TENM1: variants seen among roughly 807,000 people sequenced by gnomAD.
TENM1 encodes the protein teneurin transmembrane protein 1, also known as teneurin-1.
TENM1 carries 35 observed loss-of-function variants against 174.8 expected under a neutral mutation model. That is an observed-to-expected ratio of 0.20 (90% confidence interval 0.15 to 0.27). The LOEUF (loss-of-function observed/expected upper bound fraction) is 0.27. TENM1 is among the 10% of genes least tolerant of loss of function. The pLI is 1.00. For synonymous variants in TENM1, 781 were observed against 798.7 expected, an observed-to-expected ratio of 0.98 and a Z score of 0.37; for missense variants, 1,633 against 2,130.1, an observed-to-expected ratio of 0.77 and a Z score of 4.59.
At chrX:125,188,006 T>G in the TENM1 span, among the ~76,000 whole-genome samples, 1 of 111,947 alleles carries the variant, frequency 8.9e-6, no homozygotes, top group African/African-American at 3.2e-5. Context: ...AGTTATAATA[T>G]GTTTTTAATT....
At chrX:125,199,918 G>A in the TENM1 span, among the ~76,000 whole-genome samples, 1 of 111,282 alleles carries the variant, frequency 9.0e-6, no homozygotes, top group Non-Finnish European at 1.9e-5. Flanking sequence ...CCAAATGTAA[G>A]CAATTTTGCT....
intron 18 of TENM1, among the ~76,000 whole-genome samples, chrX:124,514,755 C>A (rs967464216): frequency 9.0e-6 from 1 of 110,772 alleles, no homozygotes; most frequent in Non-Finnish European, 1.9e-5. Flanking sequence ...GGATTCACAG[C>A]GAAATTCTAG....
chrX:124,579,024 C>A (rs920838794), intron 11 of TENM1, among the ~76,000 whole-genome samples: 1 of 112,026 alleles, frequency 8.9e-6, no homozygotes, highest in Non-Finnish European at 1.9e-5. Flanking sequence ...CTCTTTTCTA[C>A]TGGTCAGCCT....
At chrX:124,404,737 A>G (rs2060442772) in intron 27 of TENM1, among the ~76,000 whole-genome samples, 1 of 110,784 alleles carries the variant, frequency 9.0e-6, no homozygotes, top group Admixed American at 9.6e-5. Flanking sequence ...GACTAAACAC[A>G]TTTCTCCAGC....
intron 5 of TENM1, among the ~76,000 whole-genome samples, chrX:124,686,224 C>T (rs940025730): frequency 4.5e-5 from 5 of 110,827 alleles, no homozygotes; most frequent in South Asian, 7.6e-4. Context: ...AAAAGAAAAC[C>T]CTACCAACTG....
At chrX:124,651,800 G>A in intron 8 of TENM1, 114 bp downstream of exon 11, 1 of 1,024,322 alleles carries the variant, frequency 9.8e-7, no homozygotes, top group Non-Finnish European at 1.3e-6. Context: ...CCTCAATAAT[G>A]ACTTCAACTC....
the TENM1 span, among the ~76,000 whole-genome samples, chrX:125,018,925 T>C: frequency 2.7e-5 from 3 of 111,979 alleles, no homozygotes; most frequent in Non-Finnish European, 5.7e-5. Flanking sequence ...CTCATCAATC[T>C]TTGACAAATG....
chrX:124,587,646 A>G (rs1430547041), intron 11 of TENM1, among the ~76,000 whole-genome samples: 2 of 110,710 alleles, frequency 1.8e-5, no homozygotes, highest in Non-Finnish European at 3.8e-5. Flanking sequence ...CTTCATGTCT[A>G]AAACACCAAA....
intron 3 of TENM1, among the ~76,000 whole-genome samples, chrX:124,873,797 G>C (rs750653822): frequency 9.0e-6 from 1 of 110,954 alleles, no homozygotes; most frequent in African/African-American, 3.3e-5. Flanking sequence ...AGGGTATAAA[G>C]AGCAATATTA....
the TENM1 span, among the ~76,000 whole-genome samples, chrX:125,102,813 T>C: frequency 8.9e-6 from 1 of 112,191 alleles, no homozygotes; most frequent in African/African-American, 3.2e-5. Flanking sequence ...TGAAAGGGCA[T>C]TGCCTCTATT....
chrX:125,048,695 T>G, the TENM1 span, among the ~76,000 whole-genome samples: 1 of 111,251 alleles, frequency 9.0e-6, no homozygotes, highest in Non-Finnish European at 1.9e-5. Flanking sequence ...CCAGTATCTA[T>G]GAACATACTA....
At chrX:124,540,350 A>C (rs180788563) in intron 15 of TENM1, among the ~76,000 whole-genome samples, 4 of 112,163 alleles carry the variant, frequency 3.6e-5, no homozygotes, top group Non-Finnish European at 7.5e-5. Context: ...TATCTCTTCT[A>C]TCTCTTTCTG....
In TENM1 at chrX:124,581,225, C is replaced by T. The variant is rs552908392; in HGVS notation, c.2078-15665G>A. Among the ~76,000 whole-genome samples the T allele has an allele frequency of 3.3e-4, 36 of 108,990 alleles. No homozygotes were observed. In the South Asian group the frequency reaches 4.4e-3, roughly 13 times the overall value. The allele number at this position is 108,990 out of a possible 115,157, so 94.6% of individuals were successfully genotyped here. A position where few individuals can be genotyped will look rare whatever the true frequency, so the allele number is the denominator to read the frequency against. ...GATTACAGGTGCGTGCCACCACGTCCGGCTAATTTTTTTGTATTTTTAGTA... is the reference window on the plus strand; with the variant it reads ...GATTACAGGTGCGTGCCACCACGTCTGGCTAATTTTTTTGTATTTTTAGTA... On this transcript the variant is annotated intron_variant, in intron 11 of 31. Coordinates refer to ENST00000422452, the Ensembl canonical transcript of TENM1.
At position 124,457,823 on chromosome X, in the gene TENM1, A is replaced by G. The variant is rs189325842; in HGVS notation, c.3950-4332T>C. On this transcript the variant is annotated intron_variant, in intron 22 of 31. Transcript: ENST00000422452. The stretch of plus-strand genomic sequence containing the variant: ...AAGGCATCTCTGTACTTAATTTTTT[A>G]AAATTACAGCTGTTGAGGCCACCTA... Among the ~76,000 whole-genome samples, 335 of 112,189 alleles carry G rather than the reference A, an allele frequency of 3.0e-3. 2 individuals are homozygous for G. Among genetic ancestry groups the G allele is most frequent in the African/African-American group, 0.011 (325 of 30,944 alleles).
intron 3 of TENM1, among the ~76,000 whole-genome samples, chrX:124,852,505 A>T (rs2056739813): frequency 9.0e-6 from 1 of 111,340 alleles, no homozygotes; most frequent in African/African-American, 3.3e-5. Context: ...AAATAAAAAA[A>T]TGTATATATC....
chrX:124,504,446 T>C (rs2047399845), intron 18 of TENM1, among the ~76,000 whole-genome samples: 1 of 112,009 alleles, frequency 8.9e-6, no homozygotes, highest in Admixed American at 9.5e-5. Flanking sequence ...TTGAGAGTCT[T>C]TGCTCTACTG....
chrX:124,932,905 T>G (rs1243404651), intron 1 of TENM1, among the ~76,000 whole-genome samples: 4 of 111,752 alleles, frequency 3.6e-5, no homozygotes, highest in African/African-American at 1.3e-4. Context: ...AATTTTTACC[T>G]TAATTAAATT....
intron 3 of TENM1, among the ~76,000 whole-genome samples, chrX:124,746,670 G>A (rs1228698079): frequency 8.9e-6 from 1 of 111,896 alleles, no homozygotes; most frequent in East Asian, 2.8e-4. Flanking sequence ...AAATTCTTTT[G>A]TAATGATGTC....
intron 5 of TENM1, among the ~76,000 whole-genome samples, chrX:124,702,289 C>A (rs1490719313): frequency 1.8e-5 from 2 of 111,783 alleles, no homozygotes; most frequent in Non-Finnish European, 3.8e-5. Flanking sequence ...GAGGTGGTCA[C>A]CAATATGGCA....
Sources: gnomAD v4.1 joint callset for allele counts (sites outside exome capture counted in the v4.1 genomes callset) on GRCh38, gnomAD v4.1.1 for gene constraint, MANE v1.5 for transcripts, NCBI Gene and HGNC (gene_info 2026-07-23, HGNC 2026-07-21) for gene names.